KIRREL3: variants seen among roughly 807,000 people sequenced by gnomAD.
KIRREL3 encodes the protein kirre like nephrin family adhesion molecule 3, also known as kin of IRRE-like protein 3.
KIRREL3 carries 36 observed loss-of-function variants against 89.7 expected under a neutral mutation model. The observed-to-expected ratio is 0.40, with a 90% CI of 0.31 to 0.53. The LOEUF (loss-of-function observed/expected upper bound fraction) is 0.53. Among genes scored for constraint, KIRREL3 ranks in the 20% least tolerant of loss-of-function variants. KIRREL3 has a pLI of 0.49. For missense variants in KIRREL3, 864 were observed against 1,056.6 expected, an observed-to-expected ratio of 0.82 and a Z score of 2.53; for synonymous variants, 445 against 441.4, an observed-to-expected ratio of 1.01 and a Z score of -0.10.
In KIRREL3 at chr11:126,575,056, G is replaced by A. The variant is rs1302617629; in HGVS notation, c.56-12144C>T. ...AGAGGGTGGTTATGGCAATGTGGAG[G>A]AGGCCGGTGGCCCAGGGCCTGAACT... On this transcript the variant is annotated intron_variant, in intron 1 of 16. Coordinates refer to ENST00000525144, the MANE Select transcript of KIRREL3 (RefSeq NM_032531.4). The surrounding 1 kb of genome is among the most constrained non-coding windows in gnomAD (Gnocchi z 7.0). Among the ~76,000 whole-genome samples the A allele has an allele frequency of 6.6e-6, 1 of 152,158 alleles. No homozygotes were observed. Among genetic ancestry groups the A allele is most frequent in the African/African-American group, 2.4e-5 (1 of 41,424 alleles).
At chr11:126,654,356 TCACAGCA>T (rs1945037940) in intron 1 of KIRREL3, among the ~76,000 whole-genome samples, 4 of 141,972 alleles carry the variant, frequency 2.8e-5, no homozygotes, top group African/African-American at 5.1e-5. Flanking sequence ...TTTTTTTTTT[TCACAGCA>T]TATTGCAATG....
At chr11:126,502,638 C>T (rs545532983) in intron 4 of KIRREL3, among the ~76,000 whole-genome samples, 19 of 152,168 alleles carry the variant, frequency 1.2e-4, no homozygotes, top group African/African-American at 4.3e-4. Context: ...AGAATGCAGT[C>T]GAAAGGTAAA....
At chr11:126,920,092 ATTC>A (rs879639457) in intron 1 of KIRREL3, 1 of 152,208 alleles carries the variant, frequency 6.6e-6, no homozygotes, top group Admixed American at 6.5e-5. Flanking sequence ...GTCACTTGTC[ATTC>A]TTCTTATTGT....
intron 5 of KIRREL3, among the ~76,000 whole-genome samples, chr11:126,464,772 C>T (rs1414524658): frequency 6.6e-6 from 1 of 152,106 alleles, no homozygotes; most frequent in Admixed American, 6.6e-5. Context: ...GGGGCACAGC[C>T]CTGCTGACAC....
At chr11:126,923,162 T>TTCTTCTTC (rs1947450498) in intron 1 of KIRREL3, among the ~76,000 whole-genome samples, 3 of 23,596 alleles carry the variant, frequency 1.3e-4, no homozygotes, top group African/African-American at 5.1e-4. Context: ...CTTCTTCTTC[T>TTCTTCTTC]TCTTCTTCTT....
rs1449301233 is a variant in KIRREL3 at position 126,729,752 on chromosome 11, G to A, written c.56-166840C>T. Among the ~76,000 whole-genome samples, 1 of 152,178 alleles carries A rather than the reference G, an allele frequency of 6.6e-6. No homozygotes were observed. Among genetic ancestry groups the A allele is most frequent in the Non-Finnish European group, 1.5e-5 (1 of 68,030 alleles). On this transcript the variant is annotated intron_variant, in intron 1 of 16. Transcript: ENST00000525144. The surrounding 1 kb of genome is among the most constrained non-coding windows in gnomAD (Gnocchi z 4.5). ...AGCTCAGGGTCCCCTGCTATTTTAT[G>A]AGCTTGGGAGGTTTCTGTGTCCAGA...
chr11:126,486,458 G>C lies in KIRREL3; in HGVS notation c.434-12992C>G, dbSNP rs1254194585. On this transcript the variant is annotated intron_variant, in intron 4 of 16. Transcript: ENST00000525144. The surrounding 1 kb of genome is among the most constrained non-coding windows in gnomAD (Gnocchi z 6.2). ...ATGCTGATGGCTGCAGGATGGGTGAGAGCGCTTCTTAGGTGTGTTTGCAGG... is the reference window on the plus strand; with the variant it reads ...ATGCTGATGGCTGCAGGATGGGTGACAGCGCTTCTTAGGTGTGTTTGCAGG... Among the ~76,000 whole-genome samples the C allele has an allele frequency of 6.6e-6, 1 of 152,226 alleles. No individual in the cohort carries two copies. Among genetic ancestry groups the C allele is most frequent in the Non-Finnish European group, 1.5e-5 (1 of 68,040 alleles).
rs554493319 is a variant in KIRREL3, at chr11:126,475,249, G to A, written c.434-1783C>T. On this transcript the variant is annotated intron_variant, in intron 4 of 16. Transcript: ENST00000525144. This position sits in a 1 kb window ranked among gnomAD's most constrained non-coding sequence, Gnocchi z 7.5. Reference sequence around the variant, plus strand: ...GCTGAACAGTCACAGCTCCGGGCCCGTCCTGACTCCACTGGCTCAGCCTTC... The same window carrying A: ...GCTGAACAGTCACAGCTCCGGGCCCATCCTGACTCCACTGGCTCAGCCTTC... Among the ~76,000 whole-genome samples, 17 of 152,226 alleles carry A rather than the reference G, an allele frequency of 1.1e-4. No homozygotes were observed. In the South Asian group the frequency reaches 2.3e-3, roughly 20 times the overall value.
Position 126,872,818 on chromosome 11 carries a change from C to A in KIRREL3, c.55+127637G>T, listed in dbSNP as rs1945152331. Among the ~76,000 whole-genome samples the A allele has an allele frequency of 6.6e-6, 1 of 152,004 alleles. No individual in the cohort carries two copies. Among genetic ancestry groups the A allele is most frequent in the Non-Finnish European group, 1.5e-5 (1 of 68,024 alleles). On this transcript the variant is annotated intron_variant, in intron 1 of 16. Transcript: ENST00000525144. This position sits in a 1 kb window ranked among gnomAD's most constrained non-coding sequence, Gnocchi z 4.2. The stretch of plus-strand genomic sequence containing the variant: ...TTTCCATAGTGTGTTGAATAATACC[C>A]CATGACAACTGGGGTTTGAAAGGTA...
In KIRREL3 at chr11:126,551,355, C is replaced by T. The variant is rs1052826836; in HGVS notation, c.133+11480G>A. Among the ~76,000 whole-genome samples the T allele has an allele frequency of 1.3e-5, 2 of 152,014 alleles. No homozygotes were observed. The highest frequency in any genetic ancestry group is 4.2e-4 in the South Asian group (2 of 4,816). ...GCGATGGGGCAGGGGAAAGGAGGGC[C>T]GGAGAGAGATCCTGTTTCCCGAGGC... On this transcript the variant is annotated intron_variant, in intron 2 of 16. Coordinates refer to ENST00000525144, the MANE Select transcript of KIRREL3 (RefSeq NM_032531.4). This position sits in a 1 kb window ranked among gnomAD's most constrained non-coding sequence, Gnocchi z 4.9.
chr11:126,971,920 C>A (rs937107623), intron 1 of KIRREL3, among the ~76,000 whole-genome samples: 2 of 152,206 alleles, frequency 1.3e-5, no homozygotes, highest in Admixed American at 6.5e-5. Flanking sequence ...TCAGAAAAAT[C>A]CATTCAGTCC....
rs1179876172 is a variant in KIRREL3, at chr11:126,441,857, C to T, written c.1253-1308G>A. ...GGCTTTAAGAATGGGCTGAGCGCTGCCCTCCTTCCTAAAAATCCTTCAGCT... is the reference window on the plus strand; with the variant it reads ...GGCTTTAAGAATGGGCTGAGCGCTGTCCTCCTTCCTAAAAATCCTTCAGCT... On this transcript the variant is annotated intron_variant, in intron 10 of 16. Transcript: ENST00000525144. The surrounding 1 kb of genome is among the most constrained non-coding windows in gnomAD (Gnocchi z 5.0). Among the ~76,000 whole-genome samples, 19 of 152,244 alleles carry T rather than the reference C, an allele frequency of 1.2e-4. No individual in the cohort carries two copies. The East Asian group carries it at 2.3e-3, about 19-fold the overall frequency.
In KIRREL3 at chr11:126,611,908, TCTCTGGTG is replaced by T. The variant is rs1278078240; in HGVS notation, c.56-49004_56-48997del. On this transcript the variant is annotated intron_variant, in intron 1 of 16. Coordinates refer to ENST00000525144, the MANE Select transcript of KIRREL3 (RefSeq NM_032531.4). This position sits in a 1 kb window ranked among gnomAD's most constrained non-coding sequence, Gnocchi z 4.7. ...AGGACCTGCCGATGCCCTCTGTCCT[TCTCTGGTG>T]ACTTTGTCCACGTGGATCTTCAGTT... 1.3e-5 allele frequency among the ~76,000 whole-genome samples: 2 copies of T among 152,190 alleles called. No homozygotes were observed. The highest frequency in any genetic ancestry group is 4.8e-5 in the African/African-American group (2 of 41,452).
In KIRREL3 at chr11:126,424,312, C is replaced by T. The variant is rs1012321410; in HGVS notation, c.*268G>A. 2.9e-5 allele frequency: 15 copies of T among 525,062 alleles called. No individual in the cohort carries two copies. The highest frequency in any genetic ancestry group is 1.1e-4 in the African/African-American group (6 of 52,582). 32.5% of individuals were successfully genotyped at this position (525,062 alleles called of 1,614,324 possible). A position where few individuals can be genotyped will look rare whatever the true frequency, so the allele number is the denominator to read the frequency against. ...GGTAGAGGGGCCTCCAGGAAAGGGC[C>T]GGGGACACGGGTGTCCAGCACTAAG... is the stretch of plus-strand genomic sequence containing the variant. On this transcript the variant is annotated 3_prime_UTR_variant, in exon 17 of 17. Transcript: ENST00000525144.
intron 16 of KIRREL3, 35 bp from the exon 17 acceptor site, chr11:126,425,058 TG>T: frequency 6.8e-7 from 1 of 1,474,024 alleles, no homozygotes; most frequent in Admixed American, 2.5e-5. Flanking sequence ...CGTCACCTGG[TG>T]GAGTCTCCAC....
In KIRREL3 at chr11:126,696,594, C is replaced by A. The variant is rs888196396; in HGVS notation, c.56-133682G>T. Among the ~76,000 whole-genome samples the A allele has an allele frequency of 6.6e-6, 1 of 152,214 alleles. No individual in the cohort carries two copies. Among genetic ancestry groups the A allele is most frequent in the African/African-American group, 2.4e-5 (1 of 41,466 alleles). ...TGCCATCCTCCACGTGATCCCCAAACGTTGCTGATCAACACACCACAGCTG... is the reference window on the plus strand; with the variant it reads ...TGCCATCCTCCACGTGATCCCCAAAAGTTGCTGATCAACACACCACAGCTG... On this transcript the variant is annotated intron_variant, in intron 1 of 16. Coordinates refer to ENST00000525144, the MANE Select transcript of KIRREL3 (RefSeq NM_032531.4). This position sits in a 1 kb window ranked among gnomAD's most constrained non-coding sequence, Gnocchi z 4.4.
rs1014314692 is a variant in KIRREL3, at chr11:126,943,250, T to C, written c.55+57205A>G. Among the ~76,000 whole-genome samples, 1 of 152,146 alleles carries C rather than the reference T, an allele frequency of 6.6e-6. No homozygotes were observed. Among genetic ancestry groups the C allele is most frequent in the African/African-American group, 2.4e-5 (1 of 41,440 alleles). On this transcript the variant is annotated intron_variant, in intron 1 of 16. Transcript: ENST00000525144. This position sits in a 1 kb window ranked among gnomAD's most constrained non-coding sequence, Gnocchi z 4.2. Reference sequence around the variant, plus strand: ...AGCTCCCATGGTAAAACATTCACCGTCATTCTTTCTCTCTTCTCACTCACT... The same window carrying C: ...AGCTCCCATGGTAAAACATTCACCGCCATTCTTTCTCTCTTCTCACTCACT...
At chr11:126,746,890 G>A (rs1249272858) in intron 1 of KIRREL3, among the ~76,000 whole-genome samples, 2 of 152,172 alleles carry the variant, frequency 1.3e-5, no homozygotes, top group Admixed American at 1.3e-4. Flanking sequence ...TCTGGTTCAG[G>A]AGGAACAGCC....
intron 11 of KIRREL3, among the ~76,000 whole-genome samples, chr11:126,437,680 A>G (rs11220494): frequency 0.082 from 12,286 of 150,280 alleles, 692 homozygotes; most frequent in Non-Finnish European, 0.13. Context: ...CAGACACGAC[A>G]CCACATCTAC....
Sources: gnomAD v4.1 joint callset for allele counts (sites outside exome capture counted in the v4.1 genomes callset) on GRCh38, gnomAD v4.1.1 for gene constraint, Gnocchi (gnomAD v3.1) non-coding constraint, MANE v1.5 for transcripts, NCBI Gene and HGNC (gene_info 2026-07-23, HGNC 2026-07-21) for gene names.